TEC: variants seen among roughly 807,000 people sequenced by gnomAD.
TEC encodes the protein tec protein tyrosine kinase, also known as tyrosine-protein kinase Tec.
TEC carries 72 observed loss-of-function variants against 93.0 expected under a neutral mutation model. That is an observed-to-expected ratio of 0.77 (90% CI 0.64 to 0.94). TEC has a LOEUF of 0.94. Among genes scored for constraint, TEC ranks in the 40% least tolerant of loss-of-function variants. TEC has a pLI of 0.00. For missense variants in TEC, 630 were observed against 757.9 expected (o/e 0.83, Z 1.98); for synonymous variants, 249 against 247.7 (o/e 1.01, Z -0.05).
chr4:48,137,087 T>C lies in TEC; in HGVS notation c.*329A>G. On this transcript the variant is annotated 3_prime_UTR_variant, in exon 18 of 18. Transcript: ENST00000381501. ...CAAATACCCTGGCCTTCAACTGGCATCAGCTAACATGGTCCCATGTGTGCA... is the reference window on the plus strand; with the variant it reads ...CAAATACCCTGGCCTTCAACTGGCACCAGCTAACATGGTCCCATGTGTGCA... 4.2e-6 allele frequency: 1 copy of C among 235,486 alleles called. No individual in the cohort carries two copies. The highest frequency in any genetic ancestry group is 8.2e-6 in the Non-Finnish European group (1 of 121,656). 14.6% of individuals were successfully genotyped at this position (235,486 alleles called of 1,614,324 possible).
chr4:48,157,949 A>T (rs375069639), intron 8 of TEC, among the ~76,000 whole-genome samples: 4 of 152,376 alleles, frequency 2.6e-5, no homozygotes, highest in African/African-American at 9.6e-5. Flanking sequence ...CAAATAGGCT[A>T]TAAGAACATA....
intron 2 of TEC, among the ~76,000 whole-genome samples, chr4:48,200,552 TC>T (rs948586760): frequency 1.3e-5 from 2 of 152,272 alleles, no homozygotes; most frequent in Admixed American, 1.3e-4. Context: ...GCTTATGACA[TC>T]CATTTCCCAC....
At chr4:48,144,763 T>G (rs901196620) in intron 14 of TEC, among the ~76,000 whole-genome samples, 1 of 152,202 alleles carries the variant, frequency 6.6e-6, no homozygotes, top group Non-Finnish European at 1.5e-5. Flanking sequence ...TTGACTTCCC[T>G]GAAGCTAATT....
At chr4:48,236,090 CAG>C (rs1406397543) in intron 1 of TEC, among the ~76,000 whole-genome samples, 2 of 152,146 alleles carry the variant, frequency 1.3e-5, no homozygotes, top group Non-Finnish European at 2.9e-5. Context: ...CAGATTTCAA[CAG>C]AGATAGCCTA....
intron 2 of TEC, among the ~76,000 whole-genome samples, chr4:48,185,112 G>A (rs989641965): frequency 4.6e-5 from 7 of 152,306 alleles, no homozygotes; most frequent in African/African-American, 1.2e-4. Flanking sequence ...ATCTTCTAGG[G>A]TTACAGAGAC....
chr4:48,203,975 C>G (rs1038142851), intron 2 of TEC, among the ~76,000 whole-genome samples: 1 of 152,308 alleles, frequency 6.6e-6, no homozygotes, highest in Admixed American at 6.5e-5. Flanking sequence ...TGTGCAGGCA[C>G]TGGGGGAAGG....
intron 14 of TEC, among the ~76,000 whole-genome samples, chr4:48,143,547 A>G (rs1472451023): frequency 6.6e-6 from 1 of 152,232 alleles, no homozygotes. Context: ...TGACCTTTAA[A>G]ACAGTCCTGG....
At chr4:48,228,987 T>C (rs534102862) in intron 1 of TEC, among the ~76,000 whole-genome samples, 3 of 152,356 alleles carry the variant, frequency 2.0e-5, no homozygotes, top group African/African-American at 4.8e-5. Context: ...GTATCTCATA[T>C]GGAAAAGCAC....
At chr4:48,184,770 TACACACAC>T (rs58704241) in intron 2 of TEC, among the ~76,000 whole-genome samples, 160 of 141,042 alleles carry the variant, frequency 1.1e-3, no homozygotes, top group South Asian at 4.8e-3. Flanking sequence ...ACAAAAAAAA[TACACACAC>T]ACACACACAC....
At chr4:48,242,708 A>C (rs898916882) in intron 1 of TEC, among the ~76,000 whole-genome samples, 1 of 151,972 alleles carries the variant, frequency 6.6e-6, no homozygotes, top group Non-Finnish European at 1.5e-5. Flanking sequence ...TCTGAGGGGG[A>C]CCAGAAGCTC....
At chr4:48,186,969 T>C (rs1393731919) in intron 2 of TEC, among the ~76,000 whole-genome samples, 3 of 152,224 alleles carry the variant, frequency 2.0e-5, no homozygotes, top group Non-Finnish European at 4.4e-5. Flanking sequence ...ATGATGACAA[T>C]GGCGTTTTTG....
chr4:48,220,531 G>A (rs184914340), intron 2 of TEC, among the ~76,000 whole-genome samples: 2 of 152,078 alleles, frequency 1.3e-5, no homozygotes, highest in East Asian at 1.9e-4. Context: ...AATACACCAG[G>A]TCCCCTTTGC....
At chr4:48,159,352 C>T (rs1720529098) in intron 8 of TEC, among the ~76,000 whole-genome samples, 1 of 152,094 alleles carries the variant, frequency 6.6e-6, no homozygotes, top group Non-Finnish European at 1.5e-5. Flanking sequence ...CATTACATGG[C>T]AAGACAGAGA....
chr4:48,145,535 A>C lies in TEC; in HGVS notation c.1126T>G (p.Leu376Val). The change falls in exon 13 of 18, where the codon TTG becomes GTG. Residue 376 changes from leucine to valine, a missense_variant. Around this residue, in one of 3 missense-constraint regions of TEC, gnomAD observed 289 missense variants for 390.0 expected, o/e 0.74. Transcript: ENST00000381501. ...ACCACTCCAAACAGTCCACTTCCCAATTCCCTCATAAAGGTCAGTTCTGAA... is the reference window on the plus strand; with the variant it reads ...ACCACTCCAAACAGTCCACTTCCCACTTCCCTCATAAAGGTCAGTTCTGAA... ...NPSELTFMRE[L>V]GSGLFGVVRL... is the part of the protein sequence containing the mutation. 5.6e-6 allele frequency: 9 copies of C among 1,614,110 alleles called. No individual in the cohort carries two copies. Among genetic ancestry groups the C allele is most frequent in the Non-Finnish European group, 7.6e-6 (9 of 1,180,000 alleles).
At chr4:48,240,266 T>C (rs554398076) in intron 1 of TEC, among the ~76,000 whole-genome samples, 2 of 152,192 alleles carry the variant, frequency 1.3e-5, no homozygotes, top group East Asian at 3.9e-4. Flanking sequence ...AGGAATAACA[T>C]AGTTTTCCAT....
chr4:48,168,024 T>C, intron 6 of TEC, 71 bp from the exon 7 acceptor site: 1 of 1,380,010 alleles, frequency 7.2e-7, no homozygotes, highest in Non-Finnish European at 1.0e-6. Context: ...AAACACTAAA[T>C]GAGTCATACA....
intron 7 of TEC, among the ~76,000 whole-genome samples, chr4:48,167,035 A>C (rs1384637366): frequency 6.6e-6 from 1 of 151,986 alleles, no homozygotes; most frequent in Non-Finnish European, 1.5e-5. Flanking sequence ...CTCAGAGTAT[A>C]AGTGGGATTG....
Position 48,240,031 on chromosome 4 carries a change from G to A in TEC, c.-45-11372C>T, listed in dbSNP as rs549249541. On this transcript the variant is annotated intron_variant, in intron 1 of 17. Transcript: ENST00000381501. Reference sequence around the variant, plus strand: ...GATGGTATGGTGATTATATTTTTCAGAGTTCTTATCTTTTAAAGATATATA... The same window carrying A: ...GATGGTATGGTGATTATATTTTTCAAAGTTCTTATCTTTTAAAGATATATA... Among the ~76,000 whole-genome samples the A allele has an allele frequency of 1.7e-3, 256 of 151,664 alleles. 2 individuals are homozygous for A. Among genetic ancestry groups the A allele is most frequent in the African/African-American group, 5.8e-3 (241 of 41,364 alleles).
At chr4:48,192,430 A>G (rs894096897) in intron 2 of TEC, among the ~76,000 whole-genome samples, 1 of 152,190 alleles carries the variant, frequency 6.6e-6, no homozygotes, top group African/African-American at 2.4e-5. Flanking sequence ...CAGTTGTTGT[A>G]GTGACGGTTT....
Sources: allele counts gnomAD v4.1 joint callset (sites outside exome capture counted in the v4.1 genomes callset), GRCh38; gene constraint gnomAD v4.1.1; regional missense constraint gnomAD v4.1.1; transcripts MANE v1.5; gene names NCBI Gene and HGNC (gene_info 2026-07-23, HGNC 2026-07-21).